SLC16A9: variants seen among roughly 807,000 people sequenced by gnomAD.
The protein encoded by SLC16A9 is monocarboxylate transporter 9.
A neutral mutation model predicts 44.3 loss-of-function variants in SLC16A9; 26 were observed. The ratio of observed to expected loss-of-function variants is 0.59; its 90% CI spans 0.43 to 0.81. The LOEUF (loss-of-function observed/expected upper bound fraction) is 0.81, where lower values mean the gene tolerates loss of function less well. Ranked by LOEUF, SLC16A9 falls within the 40% of genes least tolerant of loss-of-function variation. SLC16A9 has a pLI of 0.00. For missense variants in SLC16A9, 559 were observed against 595.8 expected, an observed-to-expected ratio of 0.94 and a Z score of 0.64; for synonymous variants, 230 against 225.1, an observed-to-expected ratio of 1.02 and a Z score of -0.19.
At chr10:59,653,587 G>T in intron 5 of SLC16A9, 88 bp downstream of exon 5, 2 of 1,096,386 alleles carry the variant, frequency 1.8e-6, no homozygotes, top group Non-Finnish European at 2.6e-6. Flanking sequence ...GTACAAATCT[G>T]TGCTACTATT....
intron 4 of SLC16A9, among the ~76,000 whole-genome samples, chr10:59,660,231 T>A (rs117103609): frequency 6.6e-6 from 1 of 151,448 alleles, no homozygotes; most frequent in Admixed American, 6.6e-5. Flanking sequence ...TTTGAAAAAA[T>A]TAACAAAATA....
chr10:59,682,999 C>G (rs1335961443), intron 2 of SLC16A9, among the ~76,000 whole-genome samples: 1 of 152,018 alleles, frequency 6.6e-6, no homozygotes, highest in Non-Finnish European at 1.5e-5. Context: ...CAATTGGAGG[C>G]ATTGCTTTTT....
At position 59,689,550 on chromosome 10, in the gene SLC16A9, GC is replaced by G. The variant is rs566899895; in HGVS notation, c.-36-5224del. 1.3e-4 allele frequency among the ~76,000 whole-genome samples: 20 copies of G among 152,298 alleles called. No homozygotes were observed. In the East Asian group the frequency reaches 3.1e-3, roughly 24 times the overall value. ...ATGCTATATAAGGAAAGGAAAATCTGCGGAGTTTATGGATCCCCATGAAAGT... is the reference window on the plus strand; with the variant it reads ...ATGCTATATAAGGAAAGGAAAATCTGGGAGTTTATGGATCCCCATGAAAGT... On this transcript the variant is annotated intron_variant, in intron 1 of 5. Transcript: ENST00000395348.
intron 1 of SLC16A9, among the ~76,000 whole-genome samples, chr10:59,696,278 A>G (rs542702873): frequency 1.8e-4 from 27 of 152,020 alleles, no homozygotes; most frequent in Non-Finnish European, 3.2e-4. Context: ...TGGTTTTCGT[A>G]TTTTTTTGGT....
chr10:59,660,755 T>C (rs904324307), intron 4 of SLC16A9, among the ~76,000 whole-genome samples: 6 of 152,194 alleles, frequency 3.9e-5, no homozygotes, highest in Non-Finnish European at 5.9e-5. Flanking sequence ...ATTTCCTCAA[T>C]AAAATACTGG....
chr10:59,652,747 A>T lies in SLC16A9; in HGVS notation c.*25T>A. 1 of 1,584,132 alleles carries T rather than the reference A, an allele frequency of 6.3e-7. No homozygotes were observed. The highest frequency in any genetic ancestry group is 8.6e-7 in the Non-Finnish European group (1 of 1,167,902). Reference sequence around the variant, plus strand: ...TCGTTGCTATATGGTATAAAATAGCAAAAATAGTGTCTTCCAATATTCTTC... The same window carrying T: ...TCGTTGCTATATGGTATAAAATAGCTAAAATAGTGTCTTCCAATATTCTTC... On this transcript the variant is annotated 3_prime_UTR_variant, in exon 6 of 6. Coordinates refer to ENST00000395348, the MANE Select transcript of SLC16A9 (RefSeq NM_194298.3).
intron 4 of SLC16A9, among the ~76,000 whole-genome samples, chr10:59,663,730 A>G (rs1422790284): frequency 1.3e-5 from 2 of 152,300 alleles, no homozygotes; most frequent in East Asian, 1.9e-4. Context: ...CATGTTCTGC[A>G]CATGTAACCC....
At chr10:59,658,322 C>T (rs183494420) in intron 4 of SLC16A9, among the ~76,000 whole-genome samples, 132 of 151,190 alleles carry the variant, frequency 8.7e-4, no homozygotes, top group African/African-American at 3.0e-3. Flanking sequence ...TTTAGCCTGA[C>T]CACCTGAGAC....
At chr10:59,693,928 C>T (rs529127109) in intron 1 of SLC16A9, among the ~76,000 whole-genome samples, 72 of 130,762 alleles carry the variant, frequency 5.5e-4, no homozygotes, top group Non-Finnish European at 8.3e-4. Context: ...TTTAATTTTA[C>T]TTATTTATTT....
At chr10:59,693,968 CGCTCTGT>C (rs1481472998) in intron 1 of SLC16A9, among the ~76,000 whole-genome samples, 3 of 150,756 alleles carry the variant, frequency 2.0e-5, no homozygotes, top group Non-Finnish European at 4.4e-5. Flanking sequence ...GATGGAGTCT[CGCTCTGT>C]CGCCCAGGCT....
intron 1 of SLC16A9, among the ~76,000 whole-genome samples, chr10:59,700,613 G>A (rs1017048236): frequency 1.3e-5 from 2 of 152,114 alleles, no homozygotes; most frequent in South Asian, 2.1e-4. Context: ...ACGGAGCTTC[G>A]CATAAAGTAA....
Position 59,654,236 on chromosome 10 carries a change from C to G in SLC16A9, c.790G>C (p.Glu264Gln). 6.2e-7 allele frequency: 1 copy of G among 1,614,142 alleles called. No homozygotes were observed. The highest frequency in any genetic ancestry group is 8.5e-7 in the Non-Finnish European group (1 of 1,180,036). ...HKNPTVTHTK[E>Q]PETYKKKVAE... The stretch of plus-strand genomic sequence containing the variant: ...ACTTTCTTTTTGTACGTTTCAGGCT[C>G]TTTTGTGTGTGTCACTGTGGGGTTT... The change falls in exon 5 of 6, where the codon GAG becomes CAG. Residue 264 changes from glutamate (E) to glutamine (Q), a missense_variant. Coordinates refer to ENST00000395348, the MANE Select transcript of SLC16A9 (RefSeq NM_194298.3).
At chr10:59,674,576 C>G (rs1203936492) in intron 2 of SLC16A9, among the ~76,000 whole-genome samples, 2 of 152,162 alleles carry the variant, frequency 1.3e-5, no homozygotes, top group Non-Finnish European at 2.9e-5. Flanking sequence ...TGTCTGTACA[C>G]CCAATGAGAA....
chr10:59,673,460 C>A (rs1344459281), intron 2 of SLC16A9, among the ~76,000 whole-genome samples: 3 of 152,108 alleles, frequency 2.0e-5, no homozygotes, highest in Non-Finnish European at 4.4e-5. Flanking sequence ...ACTTAATGTA[C>A]TAGAAATAAA....
At chr10:59,656,958 C>T (rs557429120) in intron 4 of SLC16A9, among the ~76,000 whole-genome samples, 1 of 152,258 alleles carries the variant, frequency 6.6e-6, no homozygotes, top group Admixed American at 6.5e-5. Flanking sequence ...GTGAGAAATA[C>T]AGCCATGCTT....
At chr10:59,668,611 C>T (rs1414913665) in intron 3 of SLC16A9, among the ~76,000 whole-genome samples, 3 of 152,186 alleles carry the variant, frequency 2.0e-5, no homozygotes, top group East Asian at 1.9e-4. Context: ...CTCTCTAATT[C>T]CTAGTTTATT....
At chr10:59,669,730 G>A (rs1373684993) in intron 3 of SLC16A9, among the ~76,000 whole-genome samples, 3 of 152,064 alleles carry the variant, frequency 2.0e-5, no homozygotes, top group East Asian at 1.9e-4. Context: ...CAGCTTACTC[G>A]GGAGGCTGAG....
chr10:59,675,989 C>G (rs2132462263), intron 2 of SLC16A9, among the ~76,000 whole-genome samples: 1 of 152,306 alleles, frequency 6.6e-6, no homozygotes, highest in Non-Finnish European at 1.5e-5. Flanking sequence ...GTCTCTTTCT[C>G]TGCTTTAAAC....
chr10:59,662,438 C>T (rs1395682024), intron 4 of SLC16A9, among the ~76,000 whole-genome samples: 1 of 151,476 alleles, frequency 6.6e-6, no homozygotes, highest in Admixed American at 6.6e-5. Context: ...AGTTCAAGAC[C>T]TCCATGGCCA....
Sources: gnomAD v4.1 joint callset for allele counts (sites outside exome capture counted in the v4.1 genomes callset) on GRCh38, gnomAD v4.1.1 for gene constraint, MANE v1.5 for transcripts, NCBI Gene and HGNC (gene_info 2026-07-23, HGNC 2026-07-21) for gene names.